ADAMTS12: variants seen among roughly 807,000 people sequenced by gnomAD.
ADAMTS12 encodes ADAM metallopeptidase with thrombospondin type 1 motif 12.
ADAMTS12 carries 118 observed loss-of-function variants against 167.8 expected under a neutral mutation model. The ratio of observed to expected loss-of-function variants is 0.70; its 90% CI spans 0.61 to 0.82. The LOEUF (loss-of-function observed/expected upper bound fraction) is 0.82. Ranked by LOEUF, ADAMTS12 falls within the 40% of genes least tolerant of loss-of-function variation. ADAMTS12 has a pLI of 0.00. For missense variants in ADAMTS12, 1,916 were observed against 1,998.8 expected (o/e 0.96, Z 0.79); for synonymous variants, 704 against 716.9 (o/e 0.98, Z 0.29).
intron 3 of ADAMTS12, among the ~76,000 whole-genome samples, chr5:33,718,560 AC>A (rs917761119): frequency 2.0e-5 from 3 of 151,484 alleles, no homozygotes; most frequent in African/African-American, 7.3e-5. Flanking sequence ...AAACTATCCC[AC>A]CCCCTCCCAG....
intron 20 of ADAMTS12, among the ~76,000 whole-genome samples, chr5:33,557,358 C>T (rs1390216536): frequency 6.6e-6 from 1 of 152,182 alleles, no homozygotes; most frequent in Non-Finnish European, 1.5e-5. Flanking sequence ...TATTTAAAGG[C>T]AAAACCAGGG....
In ADAMTS12 at chr5:33,654,252, G is replaced by A. The variant is rs113299804; in HGVS notation, c.1190+3932C>T. Reference sequence around the variant, plus strand: ...TCATTGAAGCTTTTTCACCATGGCCGCTTTGAAATATTTGTCAGCTAATTC... The same window carrying A: ...TCATTGAAGCTTTTTCACCATGGCCACTTTGAAATATTTGTCAGCTAATTC... On this transcript the variant is annotated intron_variant, in intron 7 of 23. Coordinates refer to ENST00000504830, the MANE Select transcript of ADAMTS12 (RefSeq NM_030955.4). Among the ~76,000 whole-genome samples the A allele has an allele frequency of 1.1e-3, 168 of 152,178 alleles. 2 individuals are homozygous for A. The highest frequency in any genetic ancestry group is 6.8e-3 in the Middle Eastern group (2 of 294).
At chr5:33,528,132 G>A (rs113702933) in intron 23 of ADAMTS12, among the ~76,000 whole-genome samples, 3,043 of 152,040 alleles carry the variant, frequency 0.02, 97 homozygotes, top group African/African-American at 0.07. Flanking sequence ...AGCAACTTGG[G>A]TGAAGCTGGA....
chr5:33,829,207 G>A lies in ADAMTS12; in HGVS notation c.489+51912C>T, dbSNP rs117197790. Among the ~76,000 whole-genome samples, 15 of 152,222 alleles carry A rather than the reference G, an allele frequency of 9.9e-5. No individual in the cohort carries two copies. The East Asian group carries it at 2.9e-3, about 29-fold the overall frequency. On this transcript the variant is annotated intron_variant, in intron 2 of 23. Coordinates refer to ENST00000504830, the MANE Select transcript of ADAMTS12 (RefSeq NM_030955.4). ...TCAGAGACTCATACTCATGAGCTGT[G>A]CTCCTCCCCAAGCTGGCGTTCCTGA...
At position 33,770,797 on chromosome 5, in the gene ADAMTS12, CCTCCTTCTTCTTCTT is replaced by C. The variant is rs566372105; in HGVS notation, c.490-19264_490-19250del. Reference sequence around the variant, plus strand: ...CTCCCTGCTTTCTTCTTCTCCTTCTCCTCCTTCTTCTTCTTCTCCTTCCTCTTCTTCTTCCTCTTC... The same window carrying C: ...CTCCCTGCTTTCTTCTTCTCCTTCTCCTCCTTCCTCTTCTTCTTCCTCTTC... On this transcript the variant is annotated intron_variant, in intron 2 of 23. Transcript: ENST00000504830. Among the ~76,000 whole-genome samples, 99 of 148,652 alleles carry C rather than the reference CCTCCTTCTTCTTCTT, an allele frequency of 6.7e-4. 1 individual carries two copies. Among genetic ancestry groups the C allele is most frequent in the Non-Finnish European group, 1.1e-3 (70 of 66,176 alleles).
chr5:33,684,169 G>T (rs555090666), intron 3 of ADAMTS12, 114 bp from the exon 4 acceptor site: 1 of 826,582 alleles, frequency 1.2e-6, no homozygotes, highest in Non-Finnish European at 1.6e-6. Context: ...TAATATAAAC[G>T]CAATGTTTTT....
intron 3 of ADAMTS12, among the ~76,000 whole-genome samples, chr5:33,699,231 C>A (rs2112293766): frequency 6.6e-6 from 1 of 151,982 alleles, no homozygotes; most frequent in Non-Finnish European, 1.5e-5. Context: ...ATTAATGGAA[C>A]AGAACAGAGA....
chr5:33,627,546 G>C (rs1561179537), intron 13 of ADAMTS12, among the ~76,000 whole-genome samples: 1 of 151,996 alleles, frequency 6.6e-6, no homozygotes, highest in African/African-American at 2.4e-5. Context: ...AATTAACTGT[G>C]AGAGGAGAGT....
intron 15 of ADAMTS12, among the ~76,000 whole-genome samples, chr5:33,615,258 G>C (rs1738940539): frequency 6.6e-6 from 1 of 152,188 alleles, no homozygotes; most frequent in Non-Finnish European, 1.5e-5. Context: ...CGAAAAGGAT[G>C]TCTCTCTAAC....
Position 33,641,953 on chromosome 5 carries a change from C to T in ADAMTS12, c.1575G>A (p.Trp525Ter). 1 of 1,610,530 alleles carries T rather than the reference C, an allele frequency of 6.2e-7. No individual in the cohort carries two copies. ...CTGTGATGCACTTGCCTGCCATACA[C>T]CACTGGAAAGGGAAGAGGCAGGAGA... ...ADGTQCGEKK[W>*]CMAGKCITVG... is the part of the protein sequence containing the mutation. The change falls in exon 11 of 24, where the codon TGG (tryptophan) becomes TGA (stop). Residue 525 changes from tryptophan to a stop codon, truncating the protein, a stop_gained and splice_region_variant. Coordinates refer to ENST00000504830, the MANE Select transcript of ADAMTS12 (RefSeq NM_030955.4). LOFTEE classifies it high-confidence loss of function.
intron 3 of ADAMTS12, among the ~76,000 whole-genome samples, chr5:33,720,441 G>C (rs1743770720): frequency 3.9e-5 from 6 of 152,090 alleles, no homozygotes; most frequent in Admixed American, 3.9e-4. Flanking sequence ...TCAATTATTT[G>C]ATGGTAACCA....
rs57575525 is a variant in ADAMTS12, at chr5:33,854,476, G to C, written c.489+26643C>G. Among the ~76,000 whole-genome samples, 249 of 152,236 alleles carry C rather than the reference G, an allele frequency of 1.6e-3. 1 individual carries two copies. Among genetic ancestry groups the C allele is most frequent in the African/African-American group, 5.8e-3 (243 of 41,544 alleles). ...AAGCCAAGTCACTAACCCTATAATAGAGAATCTGGCCTCTTTCCCCAGTAA... is the reference window on the plus strand; with the variant it reads ...AAGCCAAGTCACTAACCCTATAATACAGAATCTGGCCTCTTTCCCCAGTAA... On this transcript the variant is annotated intron_variant, in intron 2 of 23. Coordinates refer to ENST00000504830, the MANE Select transcript of ADAMTS12 (RefSeq NM_030955.4).
At chr5:33,584,519 G>A (rs571851403) in intron 18 of ADAMTS12, among the ~76,000 whole-genome samples, 2 of 152,316 alleles carry the variant, frequency 1.3e-5, no homozygotes, top group South Asian at 4.2e-4. Flanking sequence ...AGTTCCTTCA[G>A]CACATTTGGG....
intron 2 of ADAMTS12, among the ~76,000 whole-genome samples, chr5:33,874,740 T>A (rs1192297788): frequency 6.6e-6 from 1 of 152,134 alleles, no homozygotes; most frequent in Non-Finnish European, 1.5e-5. Context: ...AAAATATTAT[T>A]CAGCACTAAA....
At chr5:33,592,239 AAAC>A (rs370195972) in intron 17 of ADAMTS12, among the ~76,000 whole-genome samples, 58 of 150,306 alleles carry the variant, frequency 3.9e-4, no homozygotes, top group African/African-American at 1.4e-3. Context: ...CAAAACAAAC[AAAC>A]AAAAAAAACA....
chr5:33,652,398 TTA>T (rs1347662410), intron 7 of ADAMTS12, among the ~76,000 whole-genome samples: 3 of 152,180 alleles, frequency 2.0e-5, no homozygotes, highest in Non-Finnish European at 1.5e-5. Flanking sequence ...TGAGGATTTT[TTA>T]TATGTTTATT....
chr5:33,693,982 C>T (rs1742654044), intron 3 of ADAMTS12, among the ~76,000 whole-genome samples: 1 of 152,066 alleles, frequency 6.6e-6, no homozygotes, highest in African/African-American at 2.4e-5. Context: ...AATCAATGTA[C>T]AAAGTTCAGC....
At chr5:33,858,941 G>A (rs933127052) in intron 2 of ADAMTS12, among the ~76,000 whole-genome samples, 3 of 152,088 alleles carry the variant, frequency 2.0e-5, no homozygotes, top group Non-Finnish European at 2.9e-5. Flanking sequence ...AAGGGAAGCC[G>A]TGAGGGTCTG....
At chr5:33,587,496 C>A (rs1044254150) in intron 18 of ADAMTS12, among the ~76,000 whole-genome samples, 1 of 152,220 alleles carries the variant, frequency 6.6e-6, no homozygotes, top group South Asian at 2.1e-4. Flanking sequence ...ACTTTCTCAC[C>A]TAGGCTGGAG....
Sources: allele counts gnomAD v4.1 joint callset (sites outside exome capture counted in the v4.1 genomes callset), GRCh38; gene constraint gnomAD v4.1.1; transcripts MANE v1.5; gene names NCBI Gene and HGNC (gene_info 2026-07-23, HGNC 2026-07-21).